The following SLIT3 variants were observed in gnomAD, a reference collection of about 807,000 sequenced individuals.
The protein encoded by SLIT3 is slit homolog 3 protein.
SLIT3 carries 68 observed loss-of-function variants against 184.0 expected under a neutral mutation model. The observed-to-expected ratio is 0.37, with a 90% CI of 0.30 to 0.45. The LOEUF is 0.45. Ranked by LOEUF, SLIT3 falls within the 20% of genes least tolerant of loss-of-function variation. The pLI is 1.00. For synonymous variants in SLIT3, 831 were observed against 828.6 expected, an observed-to-expected ratio of 1.00 and a Z score of -0.05; for missense variants, 1,707 against 2,026.0, an observed-to-expected ratio of 0.84 and a Z score of 3.02.
At chr5:169,066,469 C>A (rs998093333) in intron 4 of SLIT3, among the ~76,000 whole-genome samples, 17 of 152,152 alleles carry the variant, frequency 1.1e-4, no homozygotes, top group African/African-American at 4.1e-4. Context: ...AAAAAAAGTG[C>A]AAATTAAATC....
chr5:168,707,893 C>T, intron 26 of SLIT3, 83 bp downstream of exon 26: 1 of 1,555,812 alleles, frequency 6.4e-7, no homozygotes, highest in Non-Finnish European at 8.8e-7. Context: ...GGAGGGTACG[C>T]AGGGCATGGT....
At chr5:168,700,713 GGGGGACTTCTGGGGCTGCCATGGCCCA>G in intron 26 of SLIT3, 34 bp from the exon 27 acceptor site, 1 of 1,539,290 alleles carries the variant, frequency 6.5e-7, no homozygotes, top group Non-Finnish European at 9.0e-7. Flanking sequence ...CACCTGGTTA[GGGGGACTTCTGGGGCTGCCATGGCCCA>G]GGGGACTCCA....
chr5:168,786,684 T>C (rs1756165410), intron 11 of SLIT3, among the ~76,000 whole-genome samples: 2 of 152,174 alleles, frequency 1.3e-5, no homozygotes, highest in Non-Finnish European at 2.9e-5. Context: ...ATGGGCCTCA[T>C]CTTTGGTGTC....
At chr5:168,738,928 A>G in intron 20 of SLIT3, among the ~76,000 whole-genome samples, 1 of 105,582 alleles carries the variant, frequency 9.5e-6, no homozygotes, top group East Asian at 3.2e-4. Context: ...AAAGAGCAAG[A>G]CTCCATCTCA....
chr5:169,300,758 C>G lies in SLIT3; in HGVS notation c.-49G>C. 11 of 1,267,382 alleles carry G rather than the reference C, an allele frequency of 8.7e-6. No individual in the cohort carries two copies. Among genetic ancestry groups the G allele is most frequent in the Non-Finnish European group, 9.9e-6 (10 of 1,009,264 alleles). The allele number at this position is 1,267,382 out of a possible 1,614,324, so 78.5% of individuals were successfully genotyped here. On this transcript the variant is annotated 5_prime_UTR_variant, in exon 1 of 36. Coordinates refer to ENST00000519560, the MANE Select transcript of SLIT3 (RefSeq NM_003062.4). This position sits in a 1 kb window ranked among gnomAD's most constrained non-coding sequence, Gnocchi z 4.1. ...AGGAGGCTGCCTCTGCGGGGCAAGACGCGTGGAGCCCGAGGAGGCGCGCGG... is the reference window on the plus strand; with the variant it reads ...AGGAGGCTGCCTCTGCGGGGCAAGAGGCGTGGAGCCCGAGGAGGCGCGCGG...
intron 4 of SLIT3, among the ~76,000 whole-genome samples, chr5:168,978,850 C>G (rs1754852836): frequency 6.7e-6 from 1 of 149,182 alleles, no homozygotes; most frequent in Non-Finnish European, 1.5e-5. Flanking sequence ...TCTCCCTCCT[C>G]CATTGGAAGC....
At position 169,046,333 on chromosome 5, in the gene SLIT3, TG is replaced by T. The variant is rs1757622529; in HGVS notation, c.413+147145del. ...GATCGCAGCACTAGTTTTGCAGAAA[TG>T]AAACATTCCTAAATTAACACAAGAA... is the stretch of plus-strand genomic sequence containing the variant. On this transcript the variant is annotated intron_variant, in intron 4 of 35. Transcript: ENST00000519560. 2.0e-5 allele frequency among the ~76,000 whole-genome samples: 3 copies of T among 152,100 alleles called. No homozygotes were observed. In the South Asian group the frequency reaches 6.2e-4, roughly 32 times the overall value.
chr5:169,049,265 T>A (rs978475922), intron 4 of SLIT3, among the ~76,000 whole-genome samples: 1 of 152,148 alleles, frequency 6.6e-6, no homozygotes, highest in African/African-American at 2.4e-5. Flanking sequence ...ATGCTACATC[T>A]AATGTGTGAT....
intron 4 of SLIT3, among the ~76,000 whole-genome samples, chr5:169,061,706 G>T (rs1450299840): frequency 6.6e-6 from 1 of 152,218 alleles, no homozygotes; most frequent in East Asian, 1.9e-4. Flanking sequence ...ATGCATGAGG[G>T]CCTGGACTAG....
intron 4 of SLIT3, among the ~76,000 whole-genome samples, chr5:169,144,530 C>G (rs1761862972): frequency 6.6e-6 from 1 of 152,262 alleles, no homozygotes; most frequent in African/African-American, 2.4e-5. Flanking sequence ...AAGTATCTAG[C>G]ACAGCGTCTA....
chr5:168,844,803 A>C, intron 5 of SLIT3, 148 bp from the exon 6 acceptor site: 2 of 638,604 alleles, frequency 3.1e-6, no homozygotes, highest in East Asian at 5.6e-5. Context: ...CCTGTCTGCC[A>C]CGCTGCTCCG....
intron 4 of SLIT3, among the ~76,000 whole-genome samples, chr5:169,058,316 T>C (rs1758074709): frequency 6.6e-6 from 1 of 152,200 alleles, no homozygotes. Context: ...GCTTGCTTAC[T>C]GTGCTGCTTA....
At chr5:168,687,194 C>A in intron 29 of SLIT3, 78 bp from the exon 30 acceptor site, 1 of 1,532,522 alleles carries the variant, frequency 6.5e-7, no homozygotes, top group Admixed American at 1.7e-5. Context: ...CCCCCCTCAG[C>A]AGGTGGCCTC....
chr5:169,002,358 A>G (rs1186517285), intron 4 of SLIT3, among the ~76,000 whole-genome samples: 3 of 149,722 alleles, frequency 2.0e-5, no homozygotes, highest in Middle Eastern at 3.2e-3. Flanking sequence ...AAAAAAAAGA[A>G]AAAAAGAAAA....
chr5:169,184,234 A>C (rs1763260917), intron 4 of SLIT3, among the ~76,000 whole-genome samples: 1 of 152,228 alleles, frequency 6.6e-6, no homozygotes, highest in African/African-American at 2.4e-5. Flanking sequence ...AAAGCTTCAT[A>C]AATTTATGAT....
chr5:169,137,305 T>C lies in SLIT3; in HGVS notation c.413+56174A>G, dbSNP rs56396366. Among the ~76,000 whole-genome samples the C allele has an allele frequency of 4.1e-3, 559 of 136,080 alleles. 4 individuals carry two copies. The highest frequency in any genetic ancestry group is 0.01 in the African/African-American group (377 of 36,012). 89.3% of individuals were successfully genotyped at this position (136,080 alleles called of 152,430 possible). A position where few individuals can be genotyped will look rare whatever the true frequency, so the allele number is the denominator to read the frequency against. On this transcript the variant is annotated intron_variant, in intron 4 of 35. Transcript: ENST00000519560. ...TCCCCCTCTTCTCTTTCTATCTACA[T>C]ACACACACACACACACACACACACA...
intron 25 of SLIT3, 66 bp downstream of exon 25, chr5:168,710,829 C>T (rs1762531289): frequency 7.5e-7 from 1 of 1,331,402 alleles, no homozygotes; most frequent in Non-Finnish European, 9.8e-7. Flanking sequence ...CCTGCTCTGA[C>T]AGGTTGCTGG....
At chr5:168,717,551 C>T (rs3900541) in intron 23 of SLIT3, among the ~76,000 whole-genome samples, 243 of 152,292 alleles carry the variant, frequency 1.6e-3, no homozygotes, top group African/African-American at 3.1e-3. Flanking sequence ...TCACTGTTTG[C>T]TTTCTTTCCC....
chr5:169,195,716 G>A (rs562742461), intron 3 of SLIT3, among the ~76,000 whole-genome samples: 225 of 152,082 alleles, frequency 1.5e-3, no homozygotes, highest in Non-Finnish European at 2.3e-3. Flanking sequence ...TAGTAGAGAC[G>A]GTTTTCACCA....
Sources: allele counts gnomAD v4.1 joint callset (sites outside exome capture counted in the v4.1 genomes callset), GRCh38; gene constraint gnomAD v4.1.1; non-coding constraint Gnocchi (gnomAD v3.1); transcripts MANE v1.5; gene names NCBI Gene and HGNC (gene_info 2026-07-23, HGNC 2026-07-21).